USP32: variants seen among roughly 807,000 people sequenced by gnomAD.
USP32 encodes the protein ubiquitin specific peptidase 32, also known as ubiquitin carboxyl-terminal hydrolase 32.
In USP32, 59 loss-of-function variants were observed where a neutral mutation model predicts 204.8. The observed-to-expected ratio is 0.29, with a 90% CI of 0.23 to 0.36. The LOEUF (loss-of-function observed/expected upper bound fraction) is 0.36, where lower values mean the gene tolerates loss of function less well. Ranked by LOEUF, USP32 falls within the 10% of genes least tolerant of loss-of-function variation. USP32 has a pLI of 1.00. For synonymous variants in USP32, 517 were observed against 678.4 expected (o/e 0.76, Z 3.70); for missense variants, 1,160 against 1,946.4 (o/e 0.60, Z 7.60).
At chr17:60,251,343 T>C (rs1187897915) in intron 11 of USP32, among the ~76,000 whole-genome samples, 1 of 152,224 alleles carries the variant, frequency 6.6e-6, no homozygotes, top group Non-Finnish European at 1.5e-5. Flanking sequence ...AAAATATATC[T>C]ACTACTTTAA....
intron 12 of USP32, among the ~76,000 whole-genome samples, chr17:60,235,507 A>G (rs540200764): frequency 6.6e-6 from 1 of 152,390 alleles, no homozygotes; most frequent in Non-Finnish European, 1.5e-5. Flanking sequence ...AAGCAGTGAC[A>G]GAGGAAATAC....
At chr17:60,273,775 A>G (rs906313795) in intron 5 of USP32, among the ~76,000 whole-genome samples, 2 of 152,020 alleles carry the variant, frequency 1.3e-5, no homozygotes, top group African/African-American at 4.8e-5. Flanking sequence ...CCTGGCCAAT[A>G]TGGTGAAACC....
chr17:60,257,522 CT>C (rs1387795586), intron 9 of USP32, among the ~76,000 whole-genome samples: 6 of 152,170 alleles, frequency 3.9e-5, no homozygotes, highest in African/African-American at 9.7e-5. Context: ...CAGGGTCTCA[CT>C]CTATCACCCA....
At chr17:60,247,684 TTTTG>T (rs1163988433) in intron 11 of USP32, among the ~76,000 whole-genome samples, 2 of 151,870 alleles carry the variant, frequency 1.3e-5, no homozygotes, top group Non-Finnish European at 2.9e-5. Context: ...TTGGTTTTTT[TTTTG>T]TTTGTTTGTT....
At chr17:60,325,840 G>T (rs906578937) in intron 2 of USP32, among the ~76,000 whole-genome samples, 1 of 151,940 alleles carries the variant, frequency 6.6e-6, no homozygotes, top group Admixed American at 6.6e-5. Context: ...GAGGCAGGAA[G>T]ATTGCTTGAG....
intron 1 of USP32, among the ~76,000 whole-genome samples, chr17:60,418,705 A>G (rs1035842294): frequency 3.0e-4 from 45 of 152,190 alleles, no homozygotes; most frequent in African/African-American, 1.0e-3. Flanking sequence ...CCATCAAAGG[A>G]CATGAACAGA....
At chr17:60,398,313 T>C (rs750068767) in intron 1 of USP32, among the ~76,000 whole-genome samples, 26 of 152,320 alleles carry the variant, frequency 1.7e-4, no homozygotes, top group Non-Finnish European at 3.1e-4. Context: ...GGAGGATCAC[T>C]TGGGCCTGAA....
At chr17:60,389,977 A>G (rs2089802229) in intron 1 of USP32, among the ~76,000 whole-genome samples, 1 of 152,144 alleles carries the variant, frequency 6.6e-6, no homozygotes, top group Non-Finnish European at 1.5e-5. Flanking sequence ...AGATCGCGCC[A>G]CTGCACTCCA....
intron 1 of USP32, among the ~76,000 whole-genome samples, chr17:60,367,627 G>A (rs2089343846): frequency 6.6e-6 from 1 of 152,174 alleles, no homozygotes; most frequent in African/African-American, 2.4e-5. Context: ...GGCCACCATG[G>A]CAAAACCCCA....
chr17:60,245,415 C>T (rs1042517016), intron 11 of USP32: 3 of 391,576 alleles, frequency 7.7e-6, no homozygotes, highest in South Asian at 4.3e-5. Flanking sequence ...ACTTGTTGCA[C>T]GTCAGCAGCA....
Position 60,236,073 on chromosome 17 carries a change from T to G in USP32, c.1239+65A>C, listed in dbSNP as rs865852676. 1.0e-5 allele frequency: 13 copies of G among 1,281,258 alleles called. No individual in the cohort carries two copies. In the Middle Eastern group the frequency reaches 2.2e-3, roughly 220 times the overall value. 79.4% of individuals were successfully genotyped at this position (1,281,258 alleles called of 1,614,324 possible). A position where few individuals can be genotyped will look rare whatever the true frequency, so the allele number is the denominator to read the frequency against. The stretch of plus-strand genomic sequence containing the variant: ...GCTGGTAGTCATAGCATTTTATTAT[T>G]GGCTGGAAGTCTCACGCAGCTGAAA... On this transcript the variant is annotated intron_variant, in intron 12 of 33. Coordinates refer to ENST00000300896, the MANE Select transcript of USP32 (RefSeq NM_032582.4).
At chr17:60,345,121 C>T (rs903116837) in intron 2 of USP32, among the ~76,000 whole-genome samples, 3 of 152,016 alleles carry the variant, frequency 2.0e-5, no homozygotes, top group African/African-American at 4.8e-5. Flanking sequence ...TTTTACTATA[C>T]AGAAAATTTT....
intron 11 of USP32, chr17:60,245,399 C>T: frequency 2.5e-6 from 1 of 400,186 alleles, no homozygotes; most frequent in Non-Finnish European, 4.8e-6. Context: ...TGGGCAATCT[C>T]AGCACACTTG....
chr17:60,251,437 G>A (rs1329602132), intron 11 of USP32, among the ~76,000 whole-genome samples: 1 of 152,058 alleles, frequency 6.6e-6, no homozygotes, highest in Non-Finnish European at 1.5e-5. Flanking sequence ...CTCTATTTTA[G>A]TAAACTCCCA....
rs1398351503 is a variant in USP32 at position 60,236,212 on chromosome 17, C to A, written c.1165G>T (p.Gly389Cys). 1 of 1,613,906 alleles carries A rather than the reference C, an allele frequency of 6.2e-7. No individual in the cohort carries two copies. The highest frequency in any genetic ancestry group is 1.3e-5 in the African/African-American group (1 of 75,032). ...AACCAGTTGTGTCCTGCTTGCAGAC[C>A]ATACCTGCTCTCTCGTTCTAACCAT... ...RGWLERESRY[G>C]LQAGHNWFII... The change falls in exon 12 of 34, where the codon GGT becomes TGT. Residue 389 changes from glycine to cysteine, a missense_variant. Physicochemically the swap from Gly to Cys is radical, Grantham distance 159. Transcript: ENST00000300896.
intron 2 of USP32, among the ~76,000 whole-genome samples, chr17:60,314,299 TC>T (rs2087924267): frequency 6.6e-6 from 1 of 151,794 alleles, no homozygotes; most frequent in African/African-American, 2.4e-5. Flanking sequence ...ATACCACTAC[TC>T]CTGGCTAATT....
rs181573741 is a variant in USP32, at chr17:60,334,344, A to C, written c.186+11137T>G. 1.9e-3 allele frequency among the ~76,000 whole-genome samples: 282 copies of C among 152,310 alleles called. 4 individuals are homozygous for C. Among genetic ancestry groups the C allele is most frequent in the Non-Finnish European group, 4.0e-4 (27 of 68,028 alleles). On this transcript the variant is annotated intron_variant, in intron 2 of 33. Coordinates refer to ENST00000300896, the MANE Select transcript of USP32 (RefSeq NM_032582.4). ...ATAGATGTATAAATTTTATGGTAGT[A>C]CCTGATAAAATAAACTAGTATCTAC...
At chr17:60,202,186 A>G (rs2084693870) in intron 26 of USP32, among the ~76,000 whole-genome samples, 1 of 152,132 alleles carries the variant, frequency 6.6e-6, no homozygotes, top group African/African-American at 2.4e-5. Context: ...ACCACTCTGC[A>G]ATGTTATCTT....
At chr17:60,184,830 CAT>C (rs1274941862) in intron 30 of USP32, among the ~76,000 whole-genome samples, 4 of 138,628 alleles carry the variant, frequency 2.9e-5, no homozygotes, top group African/African-American at 5.5e-5. Context: ...AAAAAAAAAA[CAT>C]ATAAATATCT....
Sources: gnomAD v4.1 joint callset for allele counts (sites outside exome capture counted in the v4.1 genomes callset) on GRCh38, gnomAD v4.1.1 for gene constraint, MANE v1.5 for transcripts, NCBI Gene and HGNC (gene_info 2026-07-23, HGNC 2026-07-21) for gene names.